Variants in SNX29 observed in about 807,000 individuals in gnomAD.
The protein encoded by SNX29 is sorting nexin 29, also known as sorting nexin-29.
A neutral mutation model predicts 102.1 loss-of-function variants in SNX29; 78 were observed. The ratio of observed to expected loss-of-function variants is 0.76; its 90% CI spans 0.64 to 0.92. The LOEUF (loss-of-function observed/expected upper bound fraction) is 0.92, where lower values mean the gene tolerates loss of function less well. Among genes scored for constraint, SNX29 ranks in the 40% least tolerant of loss-of-function variants. The pLI, the probability that SNX29 is intolerant of heterozygous loss-of-function variation, is 0.00. For synonymous variants in SNX29, 580 were observed against 414.5 expected (o/e 1.40, Z -4.85); for missense variants, 1,280 against 1,061.7 (o/e 1.21, Z -2.86).
At chr16:12,339,371 A>AG (rs2081548301) in intron 15 of SNX29, among the ~76,000 whole-genome samples, 2 of 31,784 alleles carry the variant, frequency 6.3e-5, no homozygotes, top group Admixed American at 6.1e-4. Flanking sequence ...ATTCTGTCTC[A>AG]AAAAAAAAAA....
chr16:12,507,874 A>G (rs930910581), intron 19 of SNX29, among the ~76,000 whole-genome samples: 1 of 152,116 alleles, frequency 6.6e-6, no homozygotes, highest in Non-Finnish European at 1.5e-5. Flanking sequence ...AGTTCCCAGC[A>G]TGGCACCAGG....
chr16:11,991,598 A>G (rs1467760586), intron 1 of SNX29, among the ~76,000 whole-genome samples: 1 of 151,932 alleles, frequency 6.6e-6, no homozygotes, highest in Non-Finnish European at 1.5e-5. Context: ...GCTGGAGTGC[A>G]GCGGTGTGAT....
At chr16:12,539,058 A>C (rs963332880) in intron 20 of SNX29, among the ~76,000 whole-genome samples, 1 of 152,192 alleles carries the variant, frequency 6.6e-6, no homozygotes, top group African/African-American at 2.4e-5. Flanking sequence ...ATCACTGTGT[A>C]TTCTGGGATA....
intron 3 of SNX29, among the ~76,000 whole-genome samples, chr16:12,012,012 G>T (rs191790973): frequency 6.6e-6 from 1 of 152,144 alleles, no homozygotes; most frequent in Non-Finnish European, 1.5e-5. Context: ...CTGAAGGTTG[G>T]AGGGATTGCC....
At chr16:12,154,244 T>C (rs2055431068) in intron 13 of SNX29, among the ~76,000 whole-genome samples, 1 of 152,174 alleles carries the variant, frequency 6.6e-6, no homozygotes, top group Non-Finnish European at 1.5e-5. Flanking sequence ...TTTCTGTAAT[T>C]GCCCACAGAA....
At chr16:12,286,148 G>GTT (rs113933392) in intron 15 of SNX29, among the ~76,000 whole-genome samples, 1 of 144,944 alleles carries the variant, frequency 6.9e-6, no homozygotes, top group Non-Finnish European at 1.5e-5. Flanking sequence ...TGTCCTGTTT[G>GTT]TTTTTTTTTT....
intron 19 of SNX29, among the ~76,000 whole-genome samples, chr16:12,521,739 A>C (rs1357697632): frequency 1.3e-5 from 2 of 152,168 alleles, no homozygotes; most frequent in East Asian, 3.9e-4. Context: ...CCCAAGGAAA[A>C]GCATCTCATT....
intron 11 of SNX29, among the ~76,000 whole-genome samples, chr16:12,105,221 C>CT (rs1401126227): frequency 4.8e-5 from 7 of 146,222 alleles, no homozygotes; most frequent in African/African-American, 1.2e-4. Context: ...CCCTCCCTCC[C>CT]TCCCTCCCTT....
intron 18 of SNX29, among the ~76,000 whole-genome samples, chr16:12,404,658 C>T (rs1003753659): frequency 6.6e-6 from 1 of 152,048 alleles, no homozygotes; most frequent in African/African-American, 2.4e-5. Context: ...GATATTTTTC[C>T]CCAAAGAGTG....
intron 15 of SNX29, among the ~76,000 whole-genome samples, chr16:12,299,664 A>C (rs576131878): frequency 6.6e-6 from 1 of 151,852 alleles, no homozygotes; most frequent in Non-Finnish European, 1.5e-5. Flanking sequence ...GAGCTAGAAA[A>C]TCTTTCCCTT....
chr16:12,470,184 GTATT>G (rs778297122), intron 18 of SNX29, among the ~76,000 whole-genome samples: 42 of 152,226 alleles, frequency 2.8e-4, no homozygotes, highest in Non-Finnish European at 5.3e-4. Flanking sequence ...GCAGAAAAAA[GTATT>G]TAGTTTTGAG....
chr16:12,252,518 C>T (rs1211849663), intron 14 of SNX29, among the ~76,000 whole-genome samples: 1 of 152,212 alleles, frequency 6.6e-6, no homozygotes, highest in Middle Eastern at 3.2e-3. Context: ...ATTCTAAGTT[C>T]GTAGGAAGTG....
intron 15 of SNX29, among the ~76,000 whole-genome samples, chr16:12,316,014 C>G (rs1213832047): frequency 6.6e-6 from 1 of 152,202 alleles, no homozygotes; most frequent in African/African-American, 2.4e-5. Context: ...AGGCTGTTCT[C>G]AGATACAGCT....
intron 20 of SNX29, among the ~76,000 whole-genome samples, chr16:12,543,411 T>C (rs1024517213): frequency 1.3e-5 from 2 of 152,160 alleles, no homozygotes; most frequent in African/African-American, 4.8e-5. Flanking sequence ...CCCGATTCAC[T>C]GAAAGGAGAG....
rs777490031 is a variant in SNX29, at chr16:12,142,905, C to T, written c.1595+13147C>T. On this transcript the variant is annotated intron_variant, in intron 13 of 20. Transcript: ENST00000566228. ...TTCACTCTTCAAACATTTACTGTTCCGTGTGAAGCTTAGTCAATCAGAGAG... is the reference window on the plus strand; with the variant it reads ...TTCACTCTTCAAACATTTACTGTTCTGTGTGAAGCTTAGTCAATCAGAGAG... 1.5e-4 allele frequency among the ~76,000 whole-genome samples: 23 copies of T among 151,994 alleles called. 1 individual carries two copies. The highest frequency in any genetic ancestry group is 1.0e-3 in the Admixed American group (16 of 15,268).
At chr16:12,002,490 C>T (rs2056322447) in intron 2 of SNX29, among the ~76,000 whole-genome samples, 1 of 151,766 alleles carries the variant, frequency 6.6e-6, no homozygotes, top group Non-Finnish European at 1.5e-5. Flanking sequence ...ATTTTTCCCA[C>T]CCTCAGTAAA....
chr16:12,067,589 G>A (rs2051094269), intron 9 of SNX29, among the ~76,000 whole-genome samples: 1 of 152,234 alleles, frequency 6.6e-6, no homozygotes, highest in African/African-American at 2.4e-5. Flanking sequence ...CTGGGTTCAA[G>A]CAATTCTTCC....
At chr16:12,282,450 C>T (rs1270708309) in intron 15 of SNX29, among the ~76,000 whole-genome samples, 2 of 152,108 alleles carry the variant, frequency 1.3e-5, no homozygotes, top group African/African-American at 2.4e-5. Context: ...GAGAGTTCCT[C>T]GAGGGCAGTG....
intron 19 of SNX29, among the ~76,000 whole-genome samples, chr16:12,490,367 C>G (rs992465630): frequency 2.0e-5 from 3 of 152,210 alleles, no homozygotes; most frequent in Non-Finnish European, 4.4e-5. Flanking sequence ...CATGTTGTTG[C>G]AAGTAGCAAT....
Sources: allele counts gnomAD v4.1 joint callset (sites outside exome capture counted in the v4.1 genomes callset), GRCh38; gene constraint gnomAD v4.1.1; transcripts MANE v1.5; gene names NCBI Gene and HGNC (gene_info 2026-07-23, HGNC 2026-07-21).